The following XKR4 variants were observed in gnomAD, a reference collection of about 807,000 sequenced individuals.
The protein encoded by XKR4 is XK related 4.
In XKR4, 12 loss-of-function variants were observed where a neutral mutation model predicts 53.9. That is an observed-to-expected ratio of 0.22 (90% CI 0.14 to 0.36). The LOEUF (loss-of-function observed/expected upper bound fraction) is 0.36, where lower values mean the gene tolerates loss of function less well. XKR4 is among the 10% of genes least tolerant of loss of function. The pLI is 1.00. For missense variants in XKR4, 799 were observed against 859.5 expected, an observed-to-expected ratio of 0.93 and a Z score of 0.88; for synonymous variants, 354 against 362.4, an observed-to-expected ratio of 0.98 and a Z score of 0.26.
At chr8:55,271,935 G>T (rs868178958) in intron 1 of XKR4, among the ~76,000 whole-genome samples, 2 of 152,182 alleles carry the variant, frequency 1.3e-5, no homozygotes, top group Admixed American at 1.3e-4. Flanking sequence ...CAGTTTCCTG[G>T]CAAGATGCTA....
intron 1 of XKR4, among the ~76,000 whole-genome samples, chr8:55,312,196 TTA>T (rs1819398364): frequency 6.6e-6 from 1 of 151,884 alleles, no homozygotes; most frequent in Admixed American, 6.6e-5. Flanking sequence ...GTTTTTTTTT[TTA>T]ATGAGAAAAA....
intron 1 of XKR4, among the ~76,000 whole-genome samples, chr8:55,114,845 G>C (rs763589660): frequency 1.3e-5 from 2 of 152,154 alleles, no homozygotes; most frequent in African/African-American, 2.4e-5. Context: ...TAAGCAACCA[G>C]TGTTAGCCCC....
At chr8:55,217,938 A>G (rs760295839) in intron 1 of XKR4, among the ~76,000 whole-genome samples, 1 of 152,196 alleles carries the variant, frequency 6.6e-6, no homozygotes, top group Non-Finnish European at 1.5e-5. Context: ...CAGTACTTCA[A>G]TGGCAAAAAC....
chr8:55,450,065 C>G (rs1805411348), intron 2 of XKR4: 3 of 749,436 alleles, frequency 4.0e-6, no homozygotes, highest in Non-Finnish European at 7.2e-6. Flanking sequence ...GGCCGGGCTT[C>G]AAGGCGCCAT....
intron 1 of XKR4, among the ~76,000 whole-genome samples, chr8:55,261,251 A>G (rs1818521277): frequency 6.6e-6 from 1 of 152,138 alleles, no homozygotes; most frequent in Non-Finnish European, 1.5e-5. Context: ...TTCCAGAACT[A>G]AGCTTCCTCT....
Position 55,323,984 on chromosome 8 carries a change from C to A in XKR4, c.807-33694C>A, listed in dbSNP as rs1474442196. Among the ~76,000 whole-genome samples the A allele has an allele frequency of 1.2e-3, 190 of 152,252 alleles. 4 individuals are homozygous for A. The highest frequency in any genetic ancestry group is 3.5e-3 in the African/African-American group (146 of 41,548). The stretch of plus-strand genomic sequence containing the variant: ...GCTTTCATTCCTCTGCTAGGAATGT[C>A]AACCTTTTCATTTACTTAAATGTGT... On this transcript the variant is annotated intron_variant, in intron 1 of 2. Coordinates refer to ENST00000327381, the MANE Select transcript of XKR4 (RefSeq NM_052898.2).
intron 2 of XKR4, among the ~76,000 whole-genome samples, chr8:55,420,907 A>G (rs1311460293): frequency 6.6e-6 from 1 of 152,190 alleles, no homozygotes; most frequent in African/African-American, 2.4e-5. Context: ...ATAGATTGTG[A>G]TTACTCTTCA....
At chr8:55,395,397 A>G (rs1486300230) in intron 2 of XKR4, among the ~76,000 whole-genome samples, 1 of 151,910 alleles carries the variant, frequency 6.6e-6, no homozygotes, top group Non-Finnish European at 1.5e-5. Context: ...AGGCATGACC[A>G]TGAAGTAGAA....
intron 1 of XKR4, among the ~76,000 whole-genome samples, chr8:55,328,697 A>G (rs1253656995): frequency 6.6e-6 from 1 of 152,150 alleles, no homozygotes; most frequent in East Asian, 1.9e-4. Context: ...ATGCCACCGC[A>G]TGACCTTTTT....
intron 2 of XKR4, among the ~76,000 whole-genome samples, chr8:55,401,923 G>A (rs2979061): frequency 0.095 from 14,403 of 152,202 alleles, 1,408 homozygotes; most frequent in African/African-American, 0.25. Flanking sequence ...TAATAAATTA[G>A]CATTACATGT....
intron 1 of XKR4, among the ~76,000 whole-genome samples, chr8:55,255,070 C>T (rs1196372561): frequency 6.6e-6 from 1 of 152,190 alleles, no homozygotes; most frequent in Non-Finnish European, 1.5e-5. Context: ...TTATTCTGCA[C>T]AACTTCCTTG....
At chr8:55,265,785 C>T (rs1309823609) in intron 1 of XKR4, among the ~76,000 whole-genome samples, 1 of 151,790 alleles carries the variant, frequency 6.6e-6, no homozygotes, top group Non-Finnish European at 1.5e-5. Flanking sequence ...TCAAGACCAT[C>T]CTGGTCAACA....
chr8:55,322,192 A>G (rs1563323974), intron 1 of XKR4, among the ~76,000 whole-genome samples: 1 of 152,132 alleles, frequency 6.6e-6, no homozygotes, highest in Non-Finnish European at 1.5e-5. Context: ...ATGTTTTTCA[A>G]ATTTTGTATA....
At chr8:55,141,671 C>CTCTCTCTCTCTCTCTCTCTG (rs748708972) in intron 1 of XKR4, among the ~76,000 whole-genome samples, 1,737 of 134,974 alleles carry the variant, frequency 0.013, 57 homozygotes, top group Admixed American at 0.026. Context: ...CTCTCTCTCT[C>CTCTCTCTCTCTCTCTCTCTG]TGTGTGTGTG....
At chr8:55,324,557 G>A (rs545218227) in intron 1 of XKR4, among the ~76,000 whole-genome samples, 2 of 152,270 alleles carry the variant, frequency 1.3e-5, no homozygotes, top group Admixed American at 6.5e-5. Context: ...TGACCACGAA[G>A]TTTTGCTCAG....
intron 1 of XKR4, among the ~76,000 whole-genome samples, chr8:55,164,999 A>G (rs1243278124): frequency 6.6e-6 from 1 of 152,188 alleles, no homozygotes; most frequent in African/African-American, 2.4e-5. Flanking sequence ...TTCTTATCAA[A>G]AGGCGAAATC....
At chr8:55,385,595 C>T (rs1804297331) in intron 2 of XKR4, among the ~76,000 whole-genome samples, 1 of 152,170 alleles carries the variant, frequency 6.6e-6, no homozygotes, top group Non-Finnish European at 1.5e-5. Flanking sequence ...ATTCCAGAGA[C>T]AGCTCAGCAA....
intron 2 of XKR4, among the ~76,000 whole-genome samples, chr8:55,388,675 C>T (rs956940074): frequency 6.6e-6 from 1 of 152,230 alleles, no homozygotes; most frequent in Non-Finnish European, 1.5e-5. Flanking sequence ...CCAAAGGCCC[C>T]ACTTCCTAGG....
chr8:55,392,967 G>T (rs1485321452), intron 2 of XKR4, among the ~76,000 whole-genome samples: 1 of 151,992 alleles, frequency 6.6e-6, no homozygotes, highest in East Asian at 1.9e-4. Context: ...TGAATGCAGG[G>T]TAACCAAATT....
Sources: allele counts gnomAD v4.1 joint callset (sites outside exome capture counted in the v4.1 genomes callset), GRCh38; gene constraint gnomAD v4.1.1; transcripts MANE v1.5; gene names NCBI Gene and HGNC (gene_info 2026-07-23, HGNC 2026-07-21).